The following CDKAL1 variants were observed in gnomAD, a reference collection of about 807,000 sequenced individuals.
CDKAL1 encodes threonylcarbamoyladenosine tRNA methylthiotransferase.
In CDKAL1, 32 loss-of-function variants were observed where a neutral mutation model predicts 68.2. That is an observed-to-expected ratio of 0.47 (90% CI 0.35 to 0.63). The LOEUF (loss-of-function observed/expected upper bound fraction) is 0.63. CDKAL1 is among the 30% of genes least tolerant of loss of function. CDKAL1 has a pLI of 0.00. For synonymous variants in CDKAL1, 234 were observed against 244.3 expected, an observed-to-expected ratio of 0.96 and a Z score of 0.39; for missense variants, 606 against 696.7, an observed-to-expected ratio of 0.87 and a Z score of 1.47.
intron 8 of CDKAL1, 46 bp from the exon 9 acceptor site, chr6:20,846,029 C>A (rs775014343): frequency 8.3e-7 from 1 of 1,204,702 alleles, no homozygotes; most frequent in East Asian, 2.4e-5. Flanking sequence ...TAAGTATATG[C>A]TATCTTTAGA....
intron 5 of CDKAL1, among the ~76,000 whole-genome samples, chr6:20,705,058 A>T (rs1771536291): frequency 6.6e-6 from 1 of 152,234 alleles, no homozygotes; most frequent in Non-Finnish European, 1.5e-5. Context: ...ATAGTTGTAA[A>T]TTTAAAAGTC....
chr6:20,637,419 C>T (rs538494593), intron 4 of CDKAL1, among the ~76,000 whole-genome samples: 11 of 152,072 alleles, frequency 7.2e-5, no homozygotes, highest in African/African-American at 1.2e-4. Flanking sequence ...AAAAATTAGC[C>T]GGGTGTGGTG....
chr6:20,937,154 T>A (rs1763761141), intron 9 of CDKAL1, among the ~76,000 whole-genome samples: 1 of 152,180 alleles, frequency 6.6e-6, no homozygotes, highest in Admixed American at 6.5e-5. Flanking sequence ...AGTAGCACAG[T>A]CACAGCTCAC....
At chr6:20,737,669 G>A (rs1773258053) in intron 5 of CDKAL1, among the ~76,000 whole-genome samples, 2 of 152,158 alleles carry the variant, frequency 1.3e-5, no homozygotes, top group Non-Finnish European at 2.9e-5. Flanking sequence ...GCAATGATGT[G>A]CTTGGTACTG....
chr6:20,767,460 AT>A (rs76385041), intron 7 of CDKAL1, among the ~76,000 whole-genome samples: 2 of 151,846 alleles, frequency 1.3e-5, no homozygotes, highest in Admixed American at 6.6e-5. Context: ...ATCATCTTCA[AT>A]TTTTTTTTAA....
At chr6:21,115,596 T>C (rs377072391) in intron 13 of CDKAL1, among the ~76,000 whole-genome samples, 2 of 152,144 alleles carry the variant, frequency 1.3e-5, no homozygotes, top group African/African-American at 4.8e-5. Context: ...TTGGCAAAAA[T>C]AAAAAAGTGT....
chr6:20,693,200 T>C (rs1770953354), intron 5 of CDKAL1, among the ~76,000 whole-genome samples: 1 of 147,680 alleles, frequency 6.8e-6, no homozygotes. Context: ...GGATCTCAGC[T>C]CTCTCTGTGG....
At chr6:20,949,367 C>A (rs571419045) in intron 9 of CDKAL1, among the ~76,000 whole-genome samples, 1 of 152,284 alleles carries the variant, frequency 6.6e-6, no homozygotes, top group Admixed American at 6.5e-5. Flanking sequence ...TTTGGTATTT[C>A]CTCATTGCCT....
chr6:20,561,682 T>C (rs1354981883), intron 4 of CDKAL1, among the ~76,000 whole-genome samples: 1 of 152,176 alleles, frequency 6.6e-6, no homozygotes, highest in Non-Finnish European at 1.5e-5. Context: ...TTAGATATGA[T>C]ACCTGGCACA....
intron 5 of CDKAL1, among the ~76,000 whole-genome samples, chr6:20,657,152 T>A (rs985168322): frequency 6.6e-6 from 1 of 152,214 alleles, no homozygotes; most frequent in African/African-American, 2.4e-5. Flanking sequence ...ACAGCAAAGA[T>A]GAGTAGTGTA....
chr6:20,835,928 G>T (rs2150474459), intron 8 of CDKAL1, among the ~76,000 whole-genome samples: 1 of 152,186 alleles, frequency 6.6e-6, no homozygotes, highest in Non-Finnish European at 1.5e-5. Context: ...TGCTGGTTGT[G>T]CTTATCAAAA....
intron 12 of CDKAL1, among the ~76,000 whole-genome samples, chr6:21,100,118 T>C (rs9350320): frequency 0.87 from 132,371 of 152,040 alleles, 57,925 homozygotes; most frequent in East Asian, 1. Flanking sequence ...ACCCCCACTC[T>C]CTGTCCCCTG....
chr6:20,848,915 C>A (rs985769046), intron 9 of CDKAL1, among the ~76,000 whole-genome samples: 1 of 151,906 alleles, frequency 6.6e-6, no homozygotes, highest in African/African-American at 2.4e-5. Flanking sequence ...GCCTCAGCCT[C>A]CGCAGTAGTG....
chr6:20,983,443 G>A lies in CDKAL1; in HGVS notation c.910-16784G>A, dbSNP rs535779322. ...TATCAGAAACTATACAATATAGGCC[G>A]GGTGCAGTGGCTCACGCCTGTGGTC... is the stretch of plus-strand genomic sequence containing the variant. On this transcript the variant is annotated intron_variant, in intron 10 of 15. Transcript: ENST00000274695. 4.6e-5 allele frequency among the ~76,000 whole-genome samples: 7 copies of A among 152,118 alleles called. No individual in the cohort carries two copies. The East Asian group carries it at 5.8e-4, about 13-fold the overall frequency.
intron 9 of CDKAL1, among the ~76,000 whole-genome samples, chr6:20,950,165 G>A (rs1373109648): frequency 2.0e-5 from 3 of 152,068 alleles, no homozygotes; most frequent in African/African-American, 7.2e-5. Flanking sequence ...CATAGTGGCC[G>A]GAGCTATAGT....
chr6:20,951,939 T>G (rs945298224), intron 9 of CDKAL1, among the ~76,000 whole-genome samples: 3 of 149,366 alleles, frequency 2.0e-5, no homozygotes, highest in Non-Finnish European at 4.4e-5. Flanking sequence ...CTTCCTGCTT[T>G]TATCTCTTTT....
intron 4 of CDKAL1, among the ~76,000 whole-genome samples, chr6:20,561,217 G>T (rs1333342156): frequency 6.6e-6 from 1 of 151,856 alleles, no homozygotes; most frequent in African/African-American, 2.4e-5. Flanking sequence ...CGAGAGGGGC[G>T]GATCACCTGA....
At chr6:20,549,331 A>G (rs970001567) in intron 4 of CDKAL1, among the ~76,000 whole-genome samples, 3 of 152,080 alleles carry the variant, frequency 2.0e-5, no homozygotes, top group Non-Finnish European at 4.4e-5. Flanking sequence ...AAGCGATACT[A>G]TATTTTTCTC....
intron 4 of CDKAL1, among the ~76,000 whole-genome samples, chr6:20,599,085 C>G (rs192487924): frequency 6.6e-6 from 1 of 152,012 alleles, no homozygotes; most frequent in Non-Finnish European, 1.5e-5. Context: ...AATATAAAGG[C>G]AAAAGTTTTT....
Sources: allele counts gnomAD v4.1 joint callset (sites outside exome capture counted in the v4.1 genomes callset), GRCh38; gene constraint gnomAD v4.1.1; transcripts MANE v1.5; gene names NCBI Gene and HGNC (gene_info 2026-07-23, HGNC 2026-07-21).